Variants in ITPKB observed in about 807,000 individuals in gnomAD.
The protein encoded by ITPKB is IP3 3-kinase B.
ITPKB carries 13 observed loss-of-function variants against 69.4 expected under a neutral mutation model. The observed-to-expected ratio is 0.19, with a 90% CI of 0.12 to 0.30. The LOEUF (loss-of-function observed/expected upper bound fraction) is 0.30. ITPKB is among the 10% of genes least tolerant of loss of function. The probability of loss-of-function intolerance (pLI) is 1.00; values close to 1 mark genes in which losing one functional copy is unlikely to be tolerated. For synonymous variants in ITPKB, 584 were observed against 513.7 expected (o/e 1.14, Z -1.85); for missense variants, 1,240 against 1,250.5 (o/e 0.99, Z 0.13).
At chr1:226,693,384 C>A (rs1292563867) in intron 2 of ITPKB, among the ~76,000 whole-genome samples, 2 of 152,204 alleles carry the variant, frequency 1.3e-5, no homozygotes, top group Non-Finnish European at 2.9e-5. Flanking sequence ...AGGAAAACCC[C>A]TGCCTAAGAG....
intron 2 of ITPKB, among the ~76,000 whole-genome samples, chr1:226,706,625 G>A (rs1656806828): frequency 6.6e-6 from 1 of 152,232 alleles, no homozygotes; most frequent in Admixed American, 6.5e-5. Context: ...CCAGCTCTTG[G>A]ATTTCACAGA....
chr1:226,709,932 C>T (rs1656900504), intron 2 of ITPKB, among the ~76,000 whole-genome samples: 1 of 152,176 alleles, frequency 6.6e-6, no homozygotes, highest in South Asian at 2.1e-4. Context: ...CTTTATGGTT[C>T]CCTGTCTAGT....
chr1:226,707,884 T>C, intron 2 of ITPKB: 1 of 1,318,530 alleles, frequency 7.6e-7, no homozygotes, highest in Admixed American at 2.5e-5. Context: ...GCCCCAGCAG[T>C]ACCACTGAGG....
intron 2 of ITPKB, among the ~76,000 whole-genome samples, chr1:226,729,293 C>T (rs1657516846): frequency 6.6e-6 from 1 of 151,916 alleles, no homozygotes. Context: ...ACCATCCTGG[C>T]CAACATGGTG....
intron 2 of ITPKB, among the ~76,000 whole-genome samples, chr1:226,706,651 T>C (rs138822370): frequency 6.6e-6 from 1 of 152,206 alleles, no homozygotes; most frequent in East Asian, 1.9e-4. Context: ...CCCAGAAAAC[T>C]CAGTTGAGTG....
intron 2 of ITPKB, among the ~76,000 whole-genome samples, chr1:226,722,744 G>A (rs1463760025): frequency 6.6e-6 from 1 of 152,188 alleles, no homozygotes; most frequent in Non-Finnish European, 1.5e-5. Context: ...CTGGGGCTTG[G>A]GGAGGTGTTA....
intron 2 of ITPKB, among the ~76,000 whole-genome samples, chr1:226,663,179 C>T (rs1669433499): frequency 6.6e-6 from 1 of 152,174 alleles, no homozygotes; most frequent in Non-Finnish European, 1.5e-5. Context: ...TGACTCATCG[C>T]CCTTCCCCGT....
rs1349075472 is a variant in ITPKB, at chr1:226,737,166, C to T, written c.293G>A (p.Ser98Asn). Reference sequence around the variant, plus strand: ...CAGGCGACCAGCCCAACTTGGGCTGCTCACGCTACTGCCGCTGCTGCCGCT... The same window carrying T: ...CAGGCGACCAGCCCAACTTGGGCTGTTCACGCTACTGCCGCTGCTGCCGCT... ...SGSGSSGSSV[S>N]SPSWAGRLRG... is the part of the protein sequence containing the mutation. Residue 98 changes from serine to asparagine, a missense_variant, in exon 2 of 8, where the codon AGC becomes AAC. Transcript: ENST00000429204. 2 of 1,585,704 alleles carry T rather than the reference C, an allele frequency of 1.3e-6. No individual in the cohort carries two copies. Among genetic ancestry groups the T allele is most frequent in the Admixed American group, 3.4e-5 (2 of 58,262 alleles).
rs1180662262 is a variant in ITPKB at position 226,723,143 on chromosome 1, G to T, written c.1932+12384C>A. On this transcript the variant is annotated intron_variant, in intron 2 of 7. Transcript: ENST00000429204. ...AGGCCCTCCTGGGACTTGGAAGTGA[G>T]CTGGTGTGCTCGGGGTTCATCAGCT... 3.3e-5 allele frequency among the ~76,000 whole-genome samples: 5 copies of T among 152,302 alleles called. No homozygotes were observed. In the East Asian group the frequency reaches 9.6e-4, roughly 29 times the overall value.
intron 2 of ITPKB, among the ~76,000 whole-genome samples, chr1:226,678,401 G>T (rs1655966041): frequency 6.6e-6 from 1 of 152,208 alleles, no homozygotes; most frequent in African/African-American, 2.4e-5. Context: ...CCTGCAGATG[G>T]CTGCAGACCT....
At chr1:226,699,387 A>G (rs574401143) in intron 2 of ITPKB, among the ~76,000 whole-genome samples, 3 of 152,238 alleles carry the variant, frequency 2.0e-5, no homozygotes, top group African/African-American at 7.2e-5. Flanking sequence ...AGCAGTGTAG[A>G]CTACAGCAGT....
chr1:226,674,599 G>T (rs1669689492), intron 2 of ITPKB, among the ~76,000 whole-genome samples: 1 of 152,128 alleles, frequency 6.6e-6, no homozygotes, highest in African/African-American at 2.4e-5. Context: ...CTCCCAAAGT[G>T]CTGGGATTAA....
At chr1:226,713,608 C>A (rs995057285) in intron 2 of ITPKB, among the ~76,000 whole-genome samples, 9 of 152,128 alleles carry the variant, frequency 5.9e-5, no homozygotes, top group African/African-American at 2.2e-4. Flanking sequence ...GGAATTTGTT[C>A]GGGGTTTACT....
At chr1:226,651,370 T>C (rs1213793676) in intron 2 of ITPKB, among the ~76,000 whole-genome samples, 1 of 152,190 alleles carries the variant, frequency 6.6e-6, no homozygotes, top group Non-Finnish European at 1.5e-5. Flanking sequence ...TTCTTAGTCC[T>C]TGTTTGTAAA....
chr1:226,667,617 A>T (rs988463086), intron 2 of ITPKB, among the ~76,000 whole-genome samples: 3 of 152,114 alleles, frequency 2.0e-5, no homozygotes, highest in African/African-American at 7.2e-5. Context: ...TCCTTTGTCC[A>T]ATCAGACCAC....
At chr1:226,635,055 G>A (rs1048115893) in intron 7 of ITPKB, among the ~76,000 whole-genome samples, 169 bp from the exon 8 acceptor site, 2 of 152,278 alleles carry the variant, frequency 1.3e-5, no homozygotes, top group African/African-American at 4.8e-5. Context: ...CCCAAGAATG[G>A]CCATGCCTGG....
intron 2 of ITPKB, among the ~76,000 whole-genome samples, chr1:226,733,435 T>C (rs1299246293): frequency 6.6e-6 from 1 of 152,136 alleles, no homozygotes; most frequent in Non-Finnish European, 1.5e-5. Flanking sequence ...GAGCTGATGT[T>C]TGGGTGTCAC....
intron 2 of ITPKB, among the ~76,000 whole-genome samples, chr1:226,690,289 C>G (rs1571860047): frequency 6.6e-6 from 1 of 152,278 alleles, no homozygotes; most frequent in South Asian, 2.1e-4. Flanking sequence ...TACCATCAGC[C>G]AGGCACCGGG....
At chr1:226,648,817 T>A in intron 2 of ITPKB, 46 bp from the exon 3 acceptor site, 1 of 1,278,998 alleles carries the variant, frequency 7.8e-7, no homozygotes, top group Non-Finnish European at 1.1e-6. Context: ...AGACAACCAC[T>A]AATTTCTGGT....
Sources: gnomAD v4.1 joint callset for allele counts (sites outside exome capture counted in the v4.1 genomes callset) on GRCh38, gnomAD v4.1.1 for gene constraint, MANE v1.5 for transcripts, NCBI Gene and HGNC (gene_info 2026-07-23, HGNC 2026-07-21) for gene names.